SUGCT: variants seen among roughly 807,000 people sequenced by gnomAD.
The protein encoded by SUGCT is succinyl-CoA:glutarate CoA-transferase.
In SUGCT, 41 loss-of-function variants were observed where a neutral mutation model predicts 55.0. The ratio of observed to expected loss-of-function variants is 0.74; its 90% CI spans 0.58 to 0.97. The LOEUF (loss-of-function observed/expected upper bound fraction) is 0.97. Among genes scored for constraint, SUGCT ranks in the 50% least tolerant of loss-of-function variants. SUGCT has a pLI of 0.00. For synonymous variants in SUGCT, 187 were observed against 200.4 expected (o/e 0.93, Z 0.56); for missense variants, 568 against 547.8 (o/e 1.04, Z -0.37).
intron 3 of SUGCT, 61 bp from the exon 4 acceptor site, chr7:40,188,434 C>CAA (rs35948652): frequency 0.029 from 17,200 of 586,632 alleles, 2 homozygotes; most frequent in South Asian, 0.033. Flanking sequence ...ACTCCATCTC[C>CAA]AAAAAAAAAA....
At chr7:40,222,994 C>T (rs750944325) in intron 6 of SUGCT, among the ~76,000 whole-genome samples, 4 of 64,552 alleles carry the variant, frequency 6.2e-5, no homozygotes, top group Non-Finnish European at 1.2e-4. Flanking sequence ...TCTTTCCTTC[C>T]TTCCTTCCTT....
At chr7:40,941,900 T>G in the SUGCT span, among the ~76,000 whole-genome samples, 1 of 152,152 alleles carries the variant, frequency 6.6e-6, no homozygotes, top group East Asian at 1.9e-4. Flanking sequence ...GTTCATTTTT[T>G]GTTTCCATTT....
chr7:40,982,314 G>T, the SUGCT span, among the ~76,000 whole-genome samples: 2 of 152,142 alleles, frequency 1.3e-5, no homozygotes, highest in Non-Finnish European at 2.9e-5. Context: ...AGGTGTCTTA[G>T]TCTTGAACAT....
intron 3 of SUGCT, among the ~76,000 whole-genome samples, chr7:40,182,443 T>C (rs1241177094): frequency 6.6e-6 from 1 of 151,966 alleles, no homozygotes; most frequent in Non-Finnish European, 1.5e-5. Context: ...GGACCTGTAA[T>C]TGCAGCTACT....
At chr7:40,913,020 T>TTA in the SUGCT span, among the ~76,000 whole-genome samples, 2 of 149,578 alleles carry the variant, frequency 1.3e-5, no homozygotes, top group African/African-American at 5.0e-5. Flanking sequence ...TTTTTTTTTT[T>TTA]TTTTTTTTTG....
intron 9 of SUGCT, among the ~76,000 whole-genome samples, chr7:40,421,876 G>T (rs1251367208): frequency 6.6e-6 from 1 of 152,124 alleles, no homozygotes; most frequent in South Asian, 2.1e-4. Context: ...ATCCACTGCA[G>T]GTCCTTCTGA....
At chr7:40,933,765 C>A in the SUGCT span, among the ~76,000 whole-genome samples, 1 of 152,182 alleles carries the variant, frequency 6.6e-6, no homozygotes, top group Non-Finnish European at 1.5e-5. Flanking sequence ...AGTTCTTATG[C>A]CATGGTTTTC....
the SUGCT span, among the ~76,000 whole-genome samples, chr7:40,911,479 G>A: frequency 1.3e-5 from 2 of 151,818 alleles, no homozygotes; most frequent in African/African-American, 2.4e-5. Context: ...GAAGTAGGAG[G>A]GTCAACTGAG....
At chr7:40,699,044 T>C (rs1200058006) in intron 12 of SUGCT, among the ~76,000 whole-genome samples, 1 of 152,010 alleles carries the variant, frequency 6.6e-6, no homozygotes, top group Non-Finnish European at 1.5e-5. Context: ...TTTTGATAGG[T>C]GGGAGTCAGG....
intron 12 of SUGCT, among the ~76,000 whole-genome samples, chr7:40,715,602 G>A (rs1785981280): frequency 6.6e-6 from 1 of 152,058 alleles, no homozygotes; most frequent in Non-Finnish European, 1.5e-5. Context: ...AAACATAAAA[G>A]CTACAAAAGG....
intron 9 of SUGCT, among the ~76,000 whole-genome samples, chr7:40,351,463 G>A (rs1306318059): frequency 1.3e-5 from 2 of 151,634 alleles, no homozygotes; most frequent in Non-Finnish European, 2.9e-5. Context: ...ATTTATTTAG[G>A]AATTTAGCAA....
the SUGCT span, among the ~76,000 whole-genome samples, chr7:41,030,269 C>T: frequency 9.9e-5 from 15 of 151,282 alleles, no homozygotes; most frequent in Admixed American, 9.9e-4. Flanking sequence ...TTAAGATCTT[C>T]AGTGATTCAC....
chr7:40,848,749 C>A (rs189812516), intron 13 of SUGCT, among the ~76,000 whole-genome samples: 2 of 152,246 alleles, frequency 1.3e-5, no homozygotes, highest in East Asian at 3.9e-4. Flanking sequence ...GACGCCTGGT[C>A]CCGTAAGCAG....
At chr7:40,142,932 T>A (rs955558064) in intron 1 of SUGCT, among the ~76,000 whole-genome samples, 3 of 152,230 alleles carry the variant, frequency 2.0e-5, no homozygotes, top group Non-Finnish European at 4.4e-5. Flanking sequence ...TTATCCAATC[T>A]ACATTTTTAT....
chr7:40,883,664 T>G, the SUGCT span, among the ~76,000 whole-genome samples: 1 of 152,330 alleles, frequency 6.6e-6, no homozygotes, highest in African/African-American at 2.4e-5. Context: ...GTAAATAGTG[T>G]TAAATTGGCC....
chr7:40,458,127 AATAG>A (rs1311537145), intron 10 of SUGCT, among the ~76,000 whole-genome samples: 7 of 152,364 alleles, frequency 4.6e-5, no homozygotes, highest in African/African-American at 9.6e-5. Context: ...TAAGATGATT[AATAG>A]ATAGATTTTA....
intron 12 of SUGCT, among the ~76,000 whole-genome samples, chr7:40,550,352 C>T (rs1795235073): frequency 6.6e-6 from 1 of 152,138 alleles, no homozygotes; most frequent in Non-Finnish European, 1.5e-5. Flanking sequence ...CTAAGTATTC[C>T]TGCTAGCTAA....
intron 13 of SUGCT, among the ~76,000 whole-genome samples, chr7:40,763,011 T>C (rs2128721886): frequency 6.6e-6 from 1 of 152,152 alleles, no homozygotes; most frequent in East Asian, 1.9e-4. Flanking sequence ...GAGATGGGGT[T>C]TCACCATGTT....
chr7:40,879,895 G>A, the SUGCT span, among the ~76,000 whole-genome samples: 1 of 152,154 alleles, frequency 6.6e-6, no homozygotes, highest in South Asian at 2.1e-4. Flanking sequence ...TAGCTGACAT[G>A]GCTTAGCTTG....
Sources: gnomAD v4.1 joint callset for allele counts (sites outside exome capture counted in the v4.1 genomes callset) on GRCh38, gnomAD v4.1.1 for gene constraint, MANE v1.5 for transcripts, NCBI Gene and HGNC (gene_info 2026-07-23, HGNC 2026-07-21) for gene names.